The following MTMR12 variants were observed in gnomAD, a reference collection of about 807,000 sequenced individuals.
MTMR12 encodes the protein myotubularin-related protein 12.
MTMR12 carries 33 observed loss-of-function variants against 96.7 expected under a neutral mutation model. The ratio of observed to expected loss-of-function variants is 0.34; its 90% confidence interval spans 0.26 to 0.46. The LOEUF (loss-of-function observed/expected upper bound fraction) is 0.46. Ranked by LOEUF, MTMR12 falls within the 20% of genes least tolerant of loss-of-function variation. The probability of loss-of-function intolerance (pLI) is 1.00; values close to 1 mark genes in which losing one functional copy is unlikely to be tolerated. For synonymous variants in MTMR12, 298 were observed against 327.2 expected (o/e 0.91, Z 0.96); for missense variants, 721 against 896.1 (o/e 0.80, Z 2.49).
At chr5:32,290,149 A>T (rs934970483) in intron 1 of MTMR12, among the ~76,000 whole-genome samples, 1 of 152,208 alleles carries the variant, frequency 6.6e-6, no homozygotes, top group Non-Finnish European at 1.5e-5. Context: ...ATTCCTGTCC[A>T]TGAGGCCCAC....
intron 1 of MTMR12, among the ~76,000 whole-genome samples, chr5:32,310,330 A>G (rs1002338727): frequency 1.3e-5 from 2 of 152,206 alleles, no homozygotes; most frequent in African/African-American, 4.8e-5. Context: ...AAATCAGTAC[A>G]TGGAAGAGAA....
At chr5:32,302,907 T>C (rs79535691) in intron 1 of MTMR12, among the ~76,000 whole-genome samples, 4,806 of 152,254 alleles carry the variant, frequency 0.032, 120 homozygotes, top group Non-Finnish European at 0.046. Context: ...AAGAAACTTT[T>C]AGAGATAGCA....
At chr5:32,270,318 T>C (rs900869102) in intron 5 of MTMR12, among the ~76,000 whole-genome samples, 1 of 152,210 alleles carries the variant, frequency 6.6e-6, no homozygotes, top group Non-Finnish European at 1.5e-5. Flanking sequence ...CAGGAGATTA[T>C]GTTTATTTAG....
chr5:32,263,920 C>G (rs1749482568), intron 6 of MTMR12, among the ~76,000 whole-genome samples: 1 of 152,212 alleles, frequency 6.6e-6, no homozygotes, highest in Non-Finnish European at 1.5e-5. Flanking sequence ...CCAATGTGTG[C>G]ATAAGACGGC....
intron 6 of MTMR12, among the ~76,000 whole-genome samples, chr5:32,263,460 T>C (rs992722359): frequency 6.6e-6 from 1 of 151,426 alleles, no homozygotes; most frequent in Non-Finnish European, 1.5e-5. Flanking sequence ...AGATGGAGTC[T>C]TGCTCTACTG....
chr5:32,253,578 T>C (rs1004969312), intron 8 of MTMR12, among the ~76,000 whole-genome samples: 9 of 152,198 alleles, frequency 5.9e-5, no homozygotes, highest in Non-Finnish European at 7.3e-5. Context: ...TTGGGACGTA[T>C]AAATATGGGA....
chr5:32,250,624 T>C (rs543355958), intron 8 of MTMR12, among the ~76,000 whole-genome samples: 6 of 152,324 alleles, frequency 3.9e-5, no homozygotes, highest in African/African-American at 9.6e-5. Flanking sequence ...GGGGAGATAC[T>C]CTTAGCCATG....
At chr5:32,264,649 C>T (rs893854835) in intron 6 of MTMR12, among the ~76,000 whole-genome samples, 2 of 151,944 alleles carry the variant, frequency 1.3e-5, no homozygotes, top group African/African-American at 4.8e-5. Context: ...TTAGTAGAGA[C>T]GGGGTTTCAC....
At chr5:32,282,179 G>A (rs556084134) in intron 1 of MTMR12, among the ~76,000 whole-genome samples, 1 of 152,096 alleles carries the variant, frequency 6.6e-6, no homozygotes, top group Admixed American at 6.5e-5. Context: ...TCAGGAGATC[G>A]AGATCATCCT....
chr5:32,234,992 G>A lies in MTMR12; in HGVS notation c.1482C>T (p.Phe494=). 6.2e-7 allele frequency: 1 copy of A among 1,613,598 alleles called. No homozygotes were observed. The highest frequency in any genetic ancestry group is 8.5e-7 in the Non-Finnish European group (1 of 1,179,608). Reference sequence around the variant, plus strand: ...TAGTATCTTTTTGATGAGGTGAATTGAAGAAGAAGGTGCTAAAAATAGGTA... The same window carrying A: ...TAGTATCTTTTTGATGAGGTGAATTAAAGAAGAAGGTGCTAAAAATAGGTA... ...LYIPIFSTFF[F]NSPHQKDTNM... The change falls in exon 14 of 16, where the codon TTC becomes TTT. Residue 494 remains phenylalanine, a synonymous_variant. Transcript: ENST00000382142.
intron 6 of MTMR12, among the ~76,000 whole-genome samples, 190 bp from the exon 7 acceptor site, chr5:32,263,432 CTTTT>C (rs1322346251): frequency 7.2e-6 from 1 of 139,790 alleles, no homozygotes; most frequent in Non-Finnish European, 1.6e-5. Flanking sequence ...GACTGAGTCT[CTTTT>C]TTTTTTTTTT....
At chr5:32,234,698 G>A (rs573835622) in intron 14 of MTMR12, 2 of 256,868 alleles carry the variant, frequency 7.8e-6, no homozygotes, top group Non-Finnish European at 1.5e-5. Flanking sequence ...GCTGTAAGGA[G>A]TAAGTATTAA....
intron 1 of MTMR12, among the ~76,000 whole-genome samples, chr5:32,287,969 AAT>A (rs1750606226): frequency 2.0e-5 from 3 of 152,070 alleles, no homozygotes; most frequent in Non-Finnish European, 4.4e-5. Context: ...TCCTGGGTAG[AAT>A]CTCCCTTCAG....
At chr5:32,250,465 T>G (rs1040935893) in intron 8 of MTMR12, among the ~76,000 whole-genome samples, 9 of 152,198 alleles carry the variant, frequency 5.9e-5, no homozygotes, top group Non-Finnish European at 1.2e-4. Flanking sequence ...CAAAGGGCCC[T>G]TTGCTGTTCT....
rs763027436 is a variant in MTMR12, at chr5:32,274,115, C to T, written c.150G>A (p.Gln50=). 2.5e-6 allele frequency: 4 copies of T among 1,613,962 alleles called. No individual in the cohort carries two copies. Among genetic ancestry groups the T allele is most frequent in the Non-Finnish European group, 3.4e-6 (4 of 1,179,976 alleles). Residue 50 remains glutamine, a synonymous_variant, in exon 3 of 16, where the codon CAG becomes CAA. Transcript: ENST00000382142. ...GTACTGTGCTGGCTTCACAAAGCAG[C>T]TGTTCACCTGGTAGAAACCAAAACA... ...EVTLHLLPGE[Q]LLCEASTVLK... is the part of the protein sequence containing the mutation.
At chr5:32,244,196 T>G (rs959054363) in intron 10 of MTMR12, among the ~76,000 whole-genome samples, 1 of 151,870 alleles carries the variant, frequency 6.6e-6, no homozygotes, top group African/African-American at 2.4e-5. Flanking sequence ...GGAAGATCAC[T>G]TGAGGCCAGG....
At chr5:32,232,544 T>C (rs538121785) in intron 15 of MTMR12, among the ~76,000 whole-genome samples, 15 of 152,344 alleles carry the variant, frequency 9.8e-5, no homozygotes, top group African/African-American at 3.6e-4. Flanking sequence ...GACGTTGTCC[T>C]CGCTGTCTCT....
intron 13 of MTMR12, among the ~76,000 whole-genome samples, chr5:32,238,140 T>A (rs995859093): frequency 1.2e-5 from 1 of 86,204 alleles, no homozygotes; most frequent in Non-Finnish European, 2.2e-5. Flanking sequence ...CAAGACTCCG[T>A]CTCAAAAAAA....
intron 1 of MTMR12, among the ~76,000 whole-genome samples, chr5:32,289,999 C>T (rs1750682097): frequency 6.6e-6 from 1 of 152,220 alleles, no homozygotes; most frequent in African/African-American, 2.4e-5. Context: ...TGCAGAATGA[C>T]AGTGGATTCT....
Sources: allele counts gnomAD v4.1 joint callset (sites outside exome capture counted in the v4.1 genomes callset), GRCh38; gene constraint gnomAD v4.1.1; transcripts MANE v1.5; gene names NCBI Gene and HGNC (gene_info 2026-07-23, HGNC 2026-07-21).